Variants in MOB1B observed in about 807,000 individuals in gnomAD.
MOB1B encodes the protein MOB1 Mps One Binder homolog B.
MOB1B carries 19 observed loss-of-function variants against 24.4 expected under a neutral mutation model. The observed-to-expected ratio is 0.78, with a 90% confidence interval of 0.54 to 1.14. The LOEUF is 1.14. MOB1B is among the 50% of genes most tolerant of loss of function. The pLI is 0.00. For synonymous variants in MOB1B, 76 were observed against 82.1 expected (o/e 0.93, Z 0.40); for missense variants, 243 against 259.6 (o/e 0.94, Z 0.44).
At position 70,979,271 on chromosome 4, in the gene MOB1B, C is replaced by T; in HGVS notation, c.553C>T (p.His185Tyr). The T allele has an allele frequency of 6.2e-7, 1 of 1,613,340 alleles. No individual in the cohort carries two copies. Among genetic ancestry groups the T allele is most frequent in the Non-Finnish European group, 8.5e-7 (1 of 1,179,768 alleles). ...EEAHLNTSFK[H>Y]FIFFVQEFNL... ...AGCACATCTAAATACATCTTTCAAG[C>T]ACTTTATTTTTTTTGTCCAGGTAAG... The change falls in exon 5 of 6, where the codon CAC (histidine) becomes TAC (tyrosine). Residue 185 changes from histidine to tyrosine, a missense_variant. Physicochemically the swap from His to Tyr is moderately conservative, Grantham distance 83 (BLOSUM62 2). Transcript: ENST00000309395.
chr4:70,974,295 G>T (rs1379485444), intron 3 of MOB1B, among the ~76,000 whole-genome samples: 1 of 152,086 alleles, frequency 6.6e-6, no homozygotes. Flanking sequence ...GTAGAGATGG[G>T]GTTTCACCAT....
chr4:70,910,081 C>T (rs566080566), intron 1 of MOB1B, among the ~76,000 whole-genome samples: 6 of 151,360 alleles, frequency 4.0e-5, no homozygotes, highest in South Asian at 4.2e-4. Flanking sequence ...CACTCTGTCA[C>T]GCAGACTGCA....
intron 2 of MOB1B, among the ~76,000 whole-genome samples, chr4:70,969,445 T>C (rs890042434): frequency 1.3e-5 from 2 of 152,244 alleles, no homozygotes; most frequent in African/African-American, 4.8e-5. Context: ...TCTTTAAGAA[T>C]GTGTTGGATT....
chr4:70,922,296 C>CTT (rs1736468292), intron 1 of MOB1B, among the ~76,000 whole-genome samples: 1 of 152,292 alleles, frequency 6.6e-6, no homozygotes, highest in African/African-American at 2.4e-5. Context: ...TCGAAAATAA[C>CTT]TTTAAGATTT....
At chr4:70,972,996 A>G (rs1256550732) in intron 3 of MOB1B, among the ~76,000 whole-genome samples, 1 of 151,708 alleles carries the variant, frequency 6.6e-6, no homozygotes, top group African/African-American at 2.4e-5. Flanking sequence ...GATTGTCTTG[A>G]TCTCCTGACC....
chr4:70,970,364 A>G (rs907273146), intron 3 of MOB1B, among the ~76,000 whole-genome samples: 1 of 152,192 alleles, frequency 6.6e-6, no homozygotes, highest in African/African-American at 2.4e-5. Context: ...TCAATATTTC[A>G]AAAAATCTTA....
intron 1 of MOB1B, among the ~76,000 whole-genome samples, chr4:70,915,451 G>A (rs1157879802): frequency 2.0e-5 from 3 of 152,154 alleles, no homozygotes; most frequent in African/African-American, 7.2e-5. Flanking sequence ...ACCTTCTAGA[G>A]GATTCCATTA....
At chr4:70,959,300 C>A (rs1218912634) in intron 2 of MOB1B, among the ~76,000 whole-genome samples, 1 of 152,172 alleles carries the variant, frequency 6.6e-6, no homozygotes, top group Non-Finnish European at 1.5e-5. Flanking sequence ...CCTTGAACTC[C>A]TGGGCTCAAG....
intron 2 of MOB1B, among the ~76,000 whole-genome samples, chr4:70,965,909 A>G (rs1738509710): frequency 6.6e-6 from 1 of 151,940 alleles, no homozygotes; most frequent in African/African-American, 2.4e-5. Context: ...TCTTATAAAA[A>G]TTCAACTTAT....
rs1739399205 is a variant in MOB1B, at chr4:70,986,927, C to T, written c.*4870C>T. ...TCTGTCACTTGTAGCTGAACTGATT[C>T]ACATTTTGACAAAAGAGAGAAAATA... On this transcript the variant is annotated 3_prime_UTR_variant, in exon 6 of 6. Coordinates refer to ENST00000309395, the MANE Select transcript of MOB1B (RefSeq NM_173468.4). 6.6e-6 allele frequency: 1 copy of T among 151,860 alleles called. No individual in the cohort carries two copies. Among genetic ancestry groups the T allele is most frequent in the South Asian group, 2.1e-4 (1 of 4,822 alleles). The allele number at this position is 151,860 out of a possible 1,614,324, so 9.4% of individuals were successfully genotyped here.
Position 70,929,647 on chromosome 4 carries a change from AT to A in MOB1B, c.14+27113del, listed in dbSNP as rs1306346318. On this transcript the variant is annotated intron_variant, in intron 1 of 5. Transcript: ENST00000309395. ...AGGTACACGTCACCACACCAAGCTA[AT>A]TTTTTTTTTTTTTTTGAGATGGAGT... 2.9e-3 allele frequency among the ~76,000 whole-genome samples: 395 copies of A among 135,176 alleles called. 1 individual carries two copies. The highest frequency in any genetic ancestry group is 0.016 in the South Asian group (68 of 4,218). 88.7% of individuals were successfully genotyped at this position (135,176 alleles called of 152,430 possible).
chr4:70,979,117 C>G lies in MOB1B; in HGVS notation c.410-11C>G. ...CTTGTTACTAGAGGGAGTTGTTTAT[C>G]TCTTTTCTAGGTGTCCCGTTCCCAA... On this transcript the variant is annotated splice_polypyrimidine_tract_variant and intron_variant, in intron 4 of 5. Coordinates refer to ENST00000309395, the MANE Select transcript of MOB1B (RefSeq NM_173468.4). The G allele has an allele frequency of 6.2e-7, 1 of 1,606,032 alleles. No homozygotes were observed. Among genetic ancestry groups the G allele is most frequent in the Non-Finnish European group, 8.5e-7 (1 of 1,175,506 alleles).
At chr4:70,965,103 C>T (rs1010170597) in intron 2 of MOB1B, among the ~76,000 whole-genome samples, 2 of 151,680 alleles carry the variant, frequency 1.3e-5, no homozygotes, top group Non-Finnish European at 2.9e-5. Flanking sequence ...TCAAGACCAG[C>T]CTGGCCAACA....
intron 1 of MOB1B, among the ~76,000 whole-genome samples, chr4:70,958,396 AC>A (rs111724077): frequency 0.013 from 1,968 of 151,818 alleles, 38 homozygotes; most frequent in African/African-American, 0.045. Flanking sequence ...CCAACTCCTG[AC>A]CCTTGGGTAA....
At chr4:70,939,925 G>A (rs927899171) in intron 1 of MOB1B, among the ~76,000 whole-genome samples, 86 of 152,180 alleles carry the variant, frequency 5.7e-4, no homozygotes, top group African/African-American at 2.0e-3. Flanking sequence ...GGAGCCAGGG[G>A]GAGATGATTT....
intron 1 of MOB1B, among the ~76,000 whole-genome samples, chr4:70,920,205 GCTCCTCTTCCTCTTCCTCCTC>G (rs1258280915): frequency 4.7e-4 from 72 of 151,902 alleles, no homozygotes; most frequent in African/African-American, 1.7e-3. Context: ...TTTGATTTAA[GCTCCTCTTCCTCTTCCTCCTC>G]CTCCTCTTCC....
intron 1 of MOB1B, among the ~76,000 whole-genome samples, chr4:70,940,818 A>G (rs184554874): frequency 6.6e-6 from 1 of 152,068 alleles, no homozygotes; most frequent in Non-Finnish European, 1.5e-5. Flanking sequence ...CTGGGATTAC[A>G]GGCATGCACC....
intron 1 of MOB1B, among the ~76,000 whole-genome samples, chr4:70,931,417 T>C (rs1263911854): frequency 6.6e-6 from 1 of 152,210 alleles, no homozygotes; most frequent in Non-Finnish European, 1.5e-5. Context: ...GTGTCTCTTT[T>C]TCTTATTCAT....
intron 1 of MOB1B, among the ~76,000 whole-genome samples, chr4:70,932,030 G>T (rs747490245): frequency 1.3e-5 from 2 of 152,060 alleles, no homozygotes; most frequent in Non-Finnish European, 2.9e-5. Flanking sequence ...GCACCTGGCT[G>T]GTTTTCTGCT....
Sources: gnomAD v4.1 joint callset for allele counts (sites outside exome capture counted in the v4.1 genomes callset) on GRCh38, gnomAD v4.1.1 for gene constraint, MANE v1.5 for transcripts, NCBI Gene and HGNC (gene_info 2026-07-23, HGNC 2026-07-21) for gene names.